CCDC152: variants seen among roughly 807,000 people sequenced by gnomAD.
CCDC152 encodes coiled-coil domain containing 152, also known as coiled-coil domain-containing protein 152.
In CCDC152, 37 loss-of-function variants were observed where a neutral mutation model predicts 38.1. The ratio of observed to expected loss-of-function variants is 0.97; its 90% CI spans 0.75 to 1.28. The LOEUF (loss-of-function observed/expected upper bound fraction) is 1.28, where lower values mean the gene tolerates loss of function less well. Among genes scored for constraint, CCDC152 ranks in the 50% most tolerant of loss-of-function variants. The pLI is 0.00. For synonymous variants in CCDC152, 83 were observed against 87.1 expected, an observed-to-expected ratio of 0.95 and a Z score of 0.26; for missense variants, 259 against 292.1, an observed-to-expected ratio of 0.89 and a Z score of 0.83.
At chr5:42,772,454 C>T (rs1359615414) in intron 4 of CCDC152, among the ~76,000 whole-genome samples, 1 of 152,066 alleles carries the variant, frequency 6.6e-6, no homozygotes, top group Admixed American at 6.5e-5. Context: ...AATCCATATC[C>T]TGGCCAACAT....
chr5:42,776,077 G>A (rs552164382), intron 4 of CCDC152, among the ~76,000 whole-genome samples: 44 of 152,010 alleles, frequency 2.9e-4, no homozygotes, highest in South Asian at 1.9e-3. Context: ...TAACAAATAC[G>A]GTAGATATTA....
intron 4 of CCDC152, among the ~76,000 whole-genome samples, chr5:42,774,020 G>A (rs1447941040): frequency 1.3e-5 from 2 of 152,076 alleles, no homozygotes; most frequent in African/African-American, 4.8e-5. Flanking sequence ...AAGTTGTCAC[G>A]CCCTGCTAAC....
At chr5:42,796,295 G>GCC (rs1760075314) in intron 6 of CCDC152, among the ~76,000 whole-genome samples, 2 of 149,848 alleles carry the variant, frequency 1.3e-5, no homozygotes, top group African/African-American at 4.9e-5. Context: ...TCATTGTGGG[G>GCC]CTTGTAGATT....
intron 6 of CCDC152, among the ~76,000 whole-genome samples, chr5:42,792,178 T>A (rs562777586): frequency 1.3e-5 from 2 of 152,196 alleles, no homozygotes; most frequent in African/African-American, 4.8e-5. Flanking sequence ...CTCAGGTCTT[T>A]CCAACCGGGG....
intron 3 of CCDC152, among the ~76,000 whole-genome samples, chr5:42,767,788 C>G (rs1292013816): frequency 6.6e-6 from 1 of 152,186 alleles, no homozygotes; most frequent in Non-Finnish European, 1.5e-5. Context: ...GTAACTTCAG[C>G]TACTATATTC....
intron 3 of CCDC152, among the ~76,000 whole-genome samples, chr5:42,769,015 G>A (rs1306405338): frequency 6.6e-6 from 1 of 152,124 alleles, no homozygotes; most frequent in Non-Finnish European, 1.5e-5. Flanking sequence ...TGGATCACCT[G>A]AGGCAGGTGG....
intron 6 of CCDC152, among the ~76,000 whole-genome samples, chr5:42,784,556 GTTGTCTGTTTATGCTGTTGATTGTTTCTT>G (rs1253813776): frequency 6.6e-6 from 1 of 151,974 alleles, no homozygotes; most frequent in Non-Finnish European, 1.5e-5. Flanking sequence ...CATTCTGTAG[GTTGTCTGTTTATGCTGTTGATTGTTTCTT>G]TTGCTGTACA....
intron 2 of CCDC152, among the ~76,000 whole-genome samples, chr5:42,760,990 G>A (rs956713115): frequency 3.3e-5 from 5 of 152,062 alleles, no homozygotes; most frequent in Admixed American, 6.6e-5. Flanking sequence ...TGAAAGAGTC[G>A]TCTCTTGGAG....
intron 6 of CCDC152, among the ~76,000 whole-genome samples, chr5:42,791,446 A>AGTTGCAAG (rs1759998643): frequency 2.6e-5 from 4 of 152,200 alleles, no homozygotes; most frequent in Admixed American, 2.6e-4. Context: ...CTTGCAAAGG[A>AGTTGCAAG]GACTGATCAC....
intron 3 of CCDC152, among the ~76,000 whole-genome samples, chr5:42,766,155 A>C (rs1042503238): frequency 6.6e-6 from 1 of 152,242 alleles, no homozygotes; most frequent in African/African-American, 2.4e-5. Context: ...AAACAGGCAT[A>C]TGAAAAGGTG....
intron 4 of CCDC152, among the ~76,000 whole-genome samples, chr5:42,777,493 A>G (rs1274818308): frequency 6.6e-6 from 1 of 151,872 alleles, no homozygotes; most frequent in Non-Finnish European, 1.5e-5. Context: ...GAAGAAGAAG[A>G]TAATAAAGGA....
intron 6 of CCDC152, among the ~76,000 whole-genome samples, chr5:42,784,717 A>T (rs188137056): frequency 6.6e-6 from 1 of 151,876 alleles, no homozygotes; most frequent in Admixed American, 6.6e-5. Flanking sequence ...TTCTTTTAGG[A>T]TTTTTATAGT....
intron 6 of CCDC152, among the ~76,000 whole-genome samples, chr5:42,789,270 G>T (rs1759966730): frequency 6.6e-6 from 1 of 152,182 alleles, no homozygotes; most frequent in African/African-American, 2.4e-5. Context: ...TCTGCACTTT[G>T]GCTTCTTCCT....
At chr5:42,767,559 CCAA>C (rs974575392) in intron 3 of CCDC152, among the ~76,000 whole-genome samples, 7 of 151,690 alleles carry the variant, frequency 4.6e-5, no homozygotes, top group African/African-American at 1.2e-4. Context: ...ACAGTAAAGT[CCAA>C]CAACAACAAC....
intron 4 of CCDC152, among the ~76,000 whole-genome samples, chr5:42,770,132 C>G (rs1028918425): frequency 2.0e-5 from 3 of 152,188 alleles, no homozygotes; most frequent in Non-Finnish European, 2.9e-5. Flanking sequence ...TCATGTTAAT[C>G]AAACAGGCCT....
At chr5:42,799,608 G>A (rs1579726302) in intron 8 of CCDC152, 51 bp from the exon 9 acceptor site, 2 of 1,353,070 alleles carry the variant, frequency 1.5e-6, no homozygotes, top group East Asian at 5.1e-5. Flanking sequence ...GTTGTTCCTT[G>A]TACTAAATTT....
intron 4 of CCDC152, 51 bp downstream of exon 4, chr5:42,769,716 C>G (rs1268032690): frequency 7.0e-7 from 1 of 1,434,518 alleles, no homozygotes; most frequent in Admixed American, 3.0e-5. Context: ...TATTTGAGCA[C>G]CTTTAAAAAT....
rs2910858 is a variant in CCDC152 at position 42,778,702 on chromosome 5, G to A, written c.263-756G>A. Among the ~76,000 whole-genome samples the A allele has an allele frequency of 2.1e-3, 320 of 151,876 alleles. 2 individuals are homozygous for A. The highest frequency in any genetic ancestry group is 7.3e-3 in the African/African-American group (303 of 41,374). ...ATTGCTTCCTTTTTTCCATACTGCC[G>A]CTGACGTAATTTAGGTTCCTGTTAT... is the stretch of plus-strand genomic sequence containing the variant. On this transcript the variant is annotated intron_variant, in intron 4 of 8. Coordinates refer to ENST00000361970, the MANE Select transcript of CCDC152 (RefSeq NM_001134848.2).
intron 2 of CCDC152, among the ~76,000 whole-genome samples, chr5:42,759,603 C>T (rs1759522589): frequency 6.6e-6 from 1 of 152,190 alleles, no homozygotes. Context: ...CTGCACCATT[C>T]TGAGTAGCAC....
Sources: allele counts gnomAD v4.1 joint callset (sites outside exome capture counted in the v4.1 genomes callset), GRCh38; gene constraint gnomAD v4.1.1; transcripts MANE v1.5; gene names NCBI Gene and HGNC (gene_info 2026-07-23, HGNC 2026-07-21).